ZNF717: variants seen among roughly 807,000 people sequenced by gnomAD.
The protein encoded by ZNF717 is krueppel-like factor X17.
In ZNF717, 9 loss-of-function variants were observed where a neutral mutation model predicts 13.8. The observed-to-expected ratio is 0.65, with a 90% CI of 0.39 to 1.14. The LOEUF is 1.14. Ranked by LOEUF, ZNF717 falls within the 50% of genes most tolerant of loss-of-function variation. The pLI, the probability that ZNF717 is intolerant of heterozygous loss-of-function variation, is 0.01. For synonymous variants in ZNF717, 327 were observed against 364.1 expected (o/e 0.90, Z 1.16); for missense variants, 1,040 against 1,080.7 (o/e 0.96, Z 0.53).
intron 4 of ZNF717, among the ~76,000 whole-genome samples, chr3:75,719,984 A>C (rs1402312990): frequency 2.0e-5 from 3 of 149,846 alleles, no homozygotes; most frequent in Admixed American, 6.7e-5. Context: ...AATAATAATA[A>C]TAATAATAAT....
intron 2 of ZNF717, among the ~76,000 whole-genome samples, chr3:75,773,674 C>T (rs1410728309): frequency 6.6e-6 from 1 of 152,172 alleles, no homozygotes; most frequent in African/African-American, 2.4e-5. Flanking sequence ...TCCTGTGGTT[C>T]CATGATTTTC....
chr3:75,737,446 C>G lies in ZNF717; in HGVS notation c.2177G>C (p.Arg726Pro). Residue 726 changes from arginine (R) to proline (P), a missense_variant, in exon 5 of 5, where the codon CGG becomes CCG. Around this residue, in one of 3 missense-constraint regions of ZNF717, gnomAD observed 873 missense variants for 832.8 expected, o/e 1.05. Coordinates refer to ENST00000652011, the MANE Select transcript of ZNF717 (RefSeq NM_001290208.3). ...QIFRSIKVFT[R>P]GRNPMNVANV... The stretch of plus-strand genomic sequence containing the variant: ...TGCTACATTCATAGGGTTTCTCCCC[C>G]GTGTGAATACCTTGATGCTTCTGAA... The G allele has an allele frequency of 6.4e-7, 1 of 1,555,184 alleles. No individual in the cohort carries two copies. Among genetic ancestry groups the G allele is most frequent in the Non-Finnish European group, 8.7e-7 (1 of 1,149,120 alleles).
intron 2 of ZNF717, among the ~76,000 whole-genome samples, chr3:75,771,308 C>A (rs1279552678): frequency 6.6e-6 from 1 of 152,178 alleles, no homozygotes; most frequent in Non-Finnish European, 1.5e-5. Context: ...TTCTGTACAT[C>A]ACATTCCCTT....
At chr3:75,780,286 C>T (rs2107736132) in intron 2 of ZNF717, among the ~76,000 whole-genome samples, 1 of 152,336 alleles carries the variant, frequency 6.6e-6, no homozygotes, top group Non-Finnish European at 1.5e-5. Flanking sequence ...AAAACTGGAA[C>T]CCAAAACAAT....
chr3:75,741,268 T>G lies in ZNF717; in HGVS notation c.277+8A>C. On this transcript the variant is annotated splice_region_variant and intron_variant, in intron 4 of 4. Coordinates refer to ENST00000652011, the MANE Select transcript of ZNF717 (RefSeq NM_001290208.3). ...CCAGGCCTCCCTGCCTGGTATTCACTGACTGACCTGAAAGTCTCAGGTTTG... is the reference window on the plus strand; with the variant it reads ...CCAGGCCTCCCTGCCTGGTATTCACGGACTGACCTGAAAGTCTCAGGTTTG... 1.3e-6 allele frequency: 1 copy of G among 781,364 alleles called. No homozygotes were observed. The highest frequency in any genetic ancestry group is 1.9e-5 in the South Asian group (1 of 53,612). 48.4% of individuals were successfully genotyped at this position (781,364 alleles called of 1,614,324 possible).
At chr3:75,749,158 T>C (rs1205302959) in intron 2 of ZNF717, among the ~76,000 whole-genome samples, 23 of 151,604 alleles carry the variant, frequency 1.5e-4, no homozygotes, top group African/African-American at 5.3e-4. Flanking sequence ...GTCTGAATGG[T>C]TTGTCCCCCG....
intron 2 of ZNF717, among the ~76,000 whole-genome samples, chr3:75,780,914 C>T (rs1267331851): frequency 7.9e-5 from 12 of 152,244 alleles, no homozygotes; most frequent in Non-Finnish European, 1.6e-4. Context: ...AAGAAGGTAC[C>T]TTCTACTCAA....
chr3:75,740,609 A>G (rs77547763), intron 4 of ZNF717, among the ~76,000 whole-genome samples: 4,670 of 78,950 alleles, frequency 0.059, no homozygotes, highest in Non-Finnish European at 0.079. Flanking sequence ...GTCTACGAGG[A>G]TCATTTAAGG....
chr3:75,706,895 G>T (rs1328950848), downstream of ZNF717, among the ~76,000 whole-genome samples: 25 of 151,926 alleles, frequency 1.6e-4, no homozygotes, highest in Non-Finnish European at 1.9e-4. Flanking sequence ...TATCTTCTAA[G>T]TTGTCCTCCA....
At chr3:75,775,537 C>G (rs1944243414) in intron 2 of ZNF717, among the ~76,000 whole-genome samples, 1 of 152,110 alleles carries the variant, frequency 6.6e-6, no homozygotes. Context: ...CCCCGATTCC[C>G]CAAGAATTGG....
intron 6 of ZNF717, among the ~76,000 whole-genome samples, chr3:75,699,039 C>A (rs1264561820): frequency 6.6e-6 from 1 of 152,308 alleles, no homozygotes; most frequent in East Asian, 1.9e-4. Context: ...TATTTTGGAG[C>A]CTTACAATTC....
chr3:75,783,271 T>C (rs1435699301), intron 2 of ZNF717, 35 bp downstream of exon 2: 11 of 1,496,882 alleles, frequency 7.3e-6, no homozygotes, highest in Non-Finnish European at 9.1e-6. Context: ...GAAAATACAG[T>C]GTAAAACAAA....
At chr3:75,732,299 AGG>A (rs1938631945), downstream of ZNF717, among the ~76,000 whole-genome samples, 1 of 152,250 alleles carries the variant, frequency 6.6e-6, no homozygotes, top group African/African-American at 2.4e-5. Flanking sequence ...TCATCCCTAA[AGG>A]GGAAGATAAA....
At position 75,738,681 on chromosome 3, in the gene ZNF717, G is replaced by A. The variant is rs1575768640; in HGVS notation, c.942C>T (p.Asn314=). The A allele has an allele frequency of 2.6e-6, 4 of 1,551,900 alleles. No homozygotes were observed. The highest frequency in any genetic ancestry group is 3.5e-6 in the Non-Finnish European group (4 of 1,147,142). Residue 314 remains asparagine (N), a synonymous_variant, in exon 5 of 5, where the codon AAC becomes AAT. Transcript: ENST00000652011. ...MPTEEKPYAC[N]WCEKLFSYKS... is the part of the protein sequence containing the mutation. ...TATAGCTGAACAATTTTTCACACCAGTTACAGGCATAAGGTTTTTCCTCAG... is the reference window on the plus strand; with the variant it reads ...TATAGCTGAACAATTTTTCACACCAATTACAGGCATAAGGTTTTTCCTCAG...
Position 75,754,011 on chromosome 3 carries a change from T to A in ZNF717, c.58-12275A>T, listed in dbSNP as rs1436495238. Among the ~76,000 whole-genome samples the A allele has an allele frequency of 2.0e-5, 3 of 152,228 alleles. No homozygotes were observed. In the East Asian group the frequency reaches 5.8e-4, roughly 29 times the overall value. ...ACACAGGATTCTAGAACACTCCAGC[T>A]GGGGTCTGAGTGTTTGTCCCTGACA... On this transcript the variant is annotated intron_variant, in intron 2 of 4. Coordinates refer to ENST00000652011, the MANE Select transcript of ZNF717 (RefSeq NM_001290208.3).
chr3:75,727,007 C>G (rs149348391), downstream of ZNF717, among the ~76,000 whole-genome samples: 25 of 143,940 alleles, frequency 1.7e-4, no homozygotes, highest in Non-Finnish European at 6.2e-5. Context: ...AACCTTCTTG[C>G]GGGAAGTCAG....
At chr3:75,754,834 A>C (rs1942331972) in intron 2 of ZNF717, among the ~76,000 whole-genome samples, 1 of 152,234 alleles carries the variant, frequency 6.6e-6, no homozygotes, top group South Asian at 2.1e-4. Context: ...CCAAAGATCC[A>C]GGAAGCCCCG....
Position 75,712,162 on chromosome 3 carries a change from G to A in ZNF717, n.668-846C>T, listed in dbSNP as rs56675837. On this transcript the variant is annotated intron_variant and non_coding_transcript_variant, in intron 5 of 5. Coordinates refer to the ZNF717 transcript ENST00000491507. ...TCACCTCAGCCAAGCACAATGTTAT[G>A]CCTTTTTAGGCAAGAAAAAAGGGGA... is the stretch of plus-strand genomic sequence containing the variant. Among the ~76,000 whole-genome samples, 749 of 152,344 alleles carry A rather than the reference G, an allele frequency of 4.9e-3. 2 individuals are homozygous for A. Among genetic ancestry groups the A allele is most frequent in the African/African-American group, 0.017 (704 of 41,578 alleles).
intron 2 of ZNF717, among the ~76,000 whole-genome samples, chr3:75,777,472 T>C (rs1035734850): frequency 3.3e-5 from 5 of 151,238 alleles, no homozygotes; most frequent in Non-Finnish European, 7.4e-5. Flanking sequence ...GGGAGTGATG[T>C]GCTAAAACTG....
Sources: gnomAD v4.1 joint callset for allele counts (sites outside exome capture counted in the v4.1 genomes callset) on GRCh38, gnomAD v4.1.1 for gene constraint, gnomAD v4.1.1 regional missense constraint, MANE v1.5 for transcripts, NCBI Gene and HGNC (gene_info 2026-07-23, HGNC 2026-07-21) for gene names.